PDE1C: variants seen among roughly 807,000 people sequenced by gnomAD.
PDE1C encodes the protein phosphodiesterase 1C, also known as dual specificity calcium/calmodulin-dependent 3',5'-cyclic nucleotide phosphodiesterase 1C.
In PDE1C, 62 loss-of-function variants were observed where a neutral mutation model predicts 93.1. The observed-to-expected ratio is 0.67, with a 90% confidence interval of 0.54 to 0.82. The LOEUF (loss-of-function observed/expected upper bound fraction) is 0.82. Among genes scored for constraint, PDE1C ranks in the 40% least tolerant of loss-of-function variants. PDE1C has a pLI of 0.00. For synonymous variants in PDE1C, 325 were observed against 310.1 expected (o/e 1.05, Z -0.50); for missense variants, 742 against 884.6 (o/e 0.84, Z 2.04).
At chr7:31,687,908 C>T in the PDE1C span, among the ~76,000 whole-genome samples, 69 of 152,154 alleles carry the variant, frequency 4.5e-4, no homozygotes, top group African/African-American at 1.6e-3. Context: ...TTCAGAATAC[C>T]GTATGGTAAG....
At chr7:32,330,891 T>A (rs1378395861) in intron 1 of PDE1C, among the ~76,000 whole-genome samples, 1 of 152,148 alleles carries the variant, frequency 6.6e-6, no homozygotes, top group Non-Finnish European at 1.5e-5. Flanking sequence ...TGAAAACAAC[T>A]CCACAAGGCC....
chr7:32,305,186 T>C (rs1030633723), intron 1 of PDE1C, among the ~76,000 whole-genome samples: 2 of 152,202 alleles, frequency 1.3e-5, no homozygotes, highest in Admixed American at 1.3e-4. Flanking sequence ...CCCCATTCCA[T>C]GATACTTCTG....
chr7:31,901,698 C>T, intron 2 of PDE1C, among the ~76,000 whole-genome samples: 1 of 151,278 alleles, frequency 6.6e-6, no homozygotes, highest in Non-Finnish European at 1.5e-5. Flanking sequence ...AATTTTATGT[C>T]TTGTCCTACC....
the PDE1C span, among the ~76,000 whole-genome samples, chr7:31,628,751 C>T: frequency 6.6e-6 from 1 of 152,122 alleles, no homozygotes; most frequent in African/African-American, 2.4e-5. Context: ...CCACCGCGCC[C>T]GGCCTGAGCG....
intron 2 of PDE1C, among the ~76,000 whole-genome samples, chr7:31,979,175 T>C (rs1185335439): frequency 2.0e-5 from 3 of 152,114 alleles, no homozygotes; most frequent in Non-Finnish European, 4.4e-5. Flanking sequence ...TCCCATATCA[T>C]GGGTAATTGT....
chr7:32,073,236 T>A (rs1399653619), upstream of PDE1C, among the ~76,000 whole-genome samples: 1 of 152,176 alleles, frequency 6.6e-6, no homozygotes, highest in East Asian at 1.9e-4. Flanking sequence ...ACATTTTTTT[T>A]AAGTTTTTGA....
At chr7:31,967,765 C>G (rs1810256840) in intron 2 of PDE1C, among the ~76,000 whole-genome samples, 1 of 152,224 alleles carries the variant, frequency 6.6e-6, no homozygotes, top group African/African-American at 2.4e-5. Flanking sequence ...CCACCATGAT[C>G]AAGTGGGCTT....
intron 1 of PDE1C, among the ~76,000 whole-genome samples, chr7:32,280,060 T>G (rs567026374): frequency 1.3e-5 from 2 of 152,242 alleles, no homozygotes; most frequent in African/African-American, 2.4e-5. Context: ...CCCAATAGAA[T>G]ATATAAAAGG....
intron 10 of PDE1C, 118 bp downstream of exon 10, chr7:31,837,752 C>T (rs1791301487): frequency 1.5e-6 from 1 of 663,102 alleles, no homozygotes; most frequent in South Asian, 2.0e-5. Flanking sequence ...ATAATCATTG[C>T]ATAAGAACAC....
intron 2 of PDE1C, among the ~76,000 whole-genome samples, chr7:31,964,456 G>A (rs1809564473): frequency 6.6e-6 from 1 of 152,222 alleles, no homozygotes; most frequent in Non-Finnish European, 1.5e-5. Context: ...CAAAGCAGCT[G>A]GGAAGCTCAA....
chr7:32,023,415 C>G (rs1788959087), intron 2 of PDE1C, among the ~76,000 whole-genome samples: 1 of 152,018 alleles, frequency 6.6e-6, no homozygotes, highest in Non-Finnish European at 1.5e-5. Flanking sequence ...TACTTAAGCG[C>G]AAATGAATTT....
At chr7:32,177,035 G>A (rs1803044885) in intron 2 of PDE1C, among the ~76,000 whole-genome samples, 1 of 152,068 alleles carries the variant, frequency 6.6e-6, no homozygotes, top group Non-Finnish European at 1.5e-5. Context: ...AAAACTTTAA[G>A]GCAAAAGGTG....
intron 1 of PDE1C, among the ~76,000 whole-genome samples, chr7:32,321,905 C>T (rs936872716): frequency 1.3e-5 from 2 of 152,208 alleles, no homozygotes; most frequent in African/African-American, 4.8e-5. Context: ...CCTCTGTTTG[C>T]ACTTTTGCTC....
At chr7:32,008,816 C>T (rs1436649088) in intron 2 of PDE1C, among the ~76,000 whole-genome samples, 3 of 152,010 alleles carry the variant, frequency 2.0e-5, no homozygotes, top group Non-Finnish European at 4.4e-5. Context: ...CATGTTTTAT[C>T]AAATACAAGC....
chr7:31,928,093 T>C (rs564576403), intron 2 of PDE1C, among the ~76,000 whole-genome samples: 1 of 152,044 alleles, frequency 6.6e-6, no homozygotes, highest in East Asian at 2.0e-4. Flanking sequence ...GGGAAGAACA[T>C]AAATGACCTG....
At chr7:32,023,831 T>C (rs891492567) in intron 2 of PDE1C, among the ~76,000 whole-genome samples, 9 of 152,086 alleles carry the variant, frequency 5.9e-5, no homozygotes, top group African/African-American at 2.2e-4. Context: ...GGCTGTTGAT[T>C]GTGGAGGTAA....
At chr7:32,005,922 A>C (rs577955434) in intron 2 of PDE1C, among the ~76,000 whole-genome samples, 10 of 152,302 alleles carry the variant, frequency 6.6e-5, no homozygotes, top group African/African-American at 2.4e-4. Flanking sequence ...TTACATGTTC[A>C]AGCCAGACTT....
chr7:32,171,061 T>C (rs983300513), intron 2 of PDE1C, among the ~76,000 whole-genome samples: 3 of 152,140 alleles, frequency 2.0e-5, no homozygotes, highest in African/African-American at 7.2e-5. Context: ...CTGCCCACAA[T>C]GTCCCACCCC....
intron 1 of PDE1C, among the ~76,000 whole-genome samples, chr7:32,419,472 TG>T (rs1312147937): frequency 6.6e-6 from 1 of 152,138 alleles, no homozygotes. Flanking sequence ...AGTGAGCCCT[TG>T]GGGTATGGGG....
Sources: gnomAD v4.1 joint callset for allele counts (sites outside exome capture counted in the v4.1 genomes callset) on GRCh38, gnomAD v4.1.1 for gene constraint, MANE v1.5 for transcripts, NCBI Gene and HGNC (gene_info 2026-07-23, HGNC 2026-07-21) for gene names.